Variants in RGS6 observed in about 807,000 individuals in gnomAD.
RGS6 encodes the protein regulator of G protein signaling 6, also known as regulator of G-protein signaling 6.
A neutral mutation model predicts 78.5 loss-of-function variants in RGS6; 30 were observed. That is an observed-to-expected ratio of 0.38 (90% confidence interval 0.29 to 0.52). The LOEUF (loss-of-function observed/expected upper bound fraction) is 0.52, where lower values mean the gene tolerates loss of function less well. RGS6 is among the 20% of genes least tolerant of loss of function. The pLI is 0.85. For missense variants in RGS6, 495 were observed against 609.7 expected, an observed-to-expected ratio of 0.81 and a Z score of 1.98; for synonymous variants, 206 against 206.0, an observed-to-expected ratio of 1.00 and a Z score of 0.00.
At chr14:72,265,213 T>G (rs771398782) in intron 2 of RGS6, among the ~76,000 whole-genome samples, 2 of 152,062 alleles carry the variant, frequency 1.3e-5, no homozygotes, top group Non-Finnish European at 2.9e-5. Flanking sequence ...GTTAAATTAG[T>G]GGGGTGTGGT....
At chr14:71,936,008 C>T (rs374342781) in intron 1 of RGS6, among the ~76,000 whole-genome samples, 2 of 15,006 alleles carry the variant, frequency 1.3e-4, no homozygotes, top group Non-Finnish European at 3.8e-4. Context: ...AGGGACAGAA[C>T]TAATAGGATA....
At chr14:72,413,132 T>C (rs2093553358) in intron 3 of RGS6, among the ~76,000 whole-genome samples, 1 of 152,190 alleles carries the variant, frequency 6.6e-6, no homozygotes, top group Non-Finnish European at 1.5e-5. Flanking sequence ...TTGTTAACTT[T>C]CTGTCTCGTT....
At chr14:72,455,607 TTTC>T (rs1275849983) in intron 4 of RGS6, among the ~76,000 whole-genome samples, 1 of 132,520 alleles carries the variant, frequency 7.5e-6, no homozygotes, top group African/African-American at 3.5e-5. Context: ...GCCCGAGTCT[TTTC>T]ACCCCCTTGA....
At chr14:72,424,562 A>G (rs552330975) in intron 3 of RGS6, among the ~76,000 whole-genome samples, 99 of 152,316 alleles carry the variant, frequency 6.5e-4, no homozygotes, top group African/African-American at 2.3e-3. Context: ...GGGTTGTAAA[A>G]AAAGATTCCC....
At chr14:72,474,294 C>G (rs2096174706) in intron 9 of RGS6, among the ~76,000 whole-genome samples, 1 of 152,078 alleles carries the variant, frequency 6.6e-6, no homozygotes, top group Non-Finnish European at 1.5e-5. Context: ...GCTACTCATC[C>G]TGATATCGTG....
chr14:72,531,262 G>A (rs1450714334), intron 15 of RGS6, among the ~76,000 whole-genome samples: 5 of 151,908 alleles, frequency 3.3e-5, no homozygotes, highest in African/African-American at 9.7e-5. Context: ...GGGAAACCCC[G>A]TATCCACTAA....
intron 2 of RGS6, among the ~76,000 whole-genome samples, chr14:72,281,339 G>A (rs1167862133): frequency 1.3e-5 from 2 of 151,760 alleles, no homozygotes; most frequent in Non-Finnish European, 1.5e-5. Context: ...AGTAGAGCTG[G>A]GGTTTCTCCA....
At chr14:71,948,297 A>G (rs569469813) in intron 1 of RGS6, among the ~76,000 whole-genome samples, 10 of 152,292 alleles carry the variant, frequency 6.6e-5, no homozygotes, top group African/African-American at 2.4e-5. Flanking sequence ...CATGTCTACG[A>G]TGGTTCGATC....
the RGS6 span, among the ~76,000 whole-genome samples, chr14:72,597,042 C>A: frequency 6.6e-5 from 10 of 152,110 alleles, no homozygotes; most frequent in Admixed American, 4.6e-4. Context: ...AGTTCGAGAC[C>A]AGCCTGGCCA....
At chr14:72,044,230 C>T (rs550504362) in intron 2 of RGS6, among the ~76,000 whole-genome samples, 5 of 152,268 alleles carry the variant, frequency 3.3e-5, no homozygotes, top group African/African-American at 1.2e-4. Context: ...CATCAGTGTT[C>T]TTAACATACT....
At chr14:71,934,716 TA>T (rs2088703501) in intron 1 of RGS6, among the ~76,000 whole-genome samples, 1 of 152,240 alleles carries the variant, frequency 6.6e-6, no homozygotes, top group South Asian at 2.1e-4. Context: ...AAATTTAGGT[TA>T]CTGTGGACAA....
At chr14:72,330,515 C>A (rs1053148718) in intron 2 of RGS6, among the ~76,000 whole-genome samples, 2 of 152,180 alleles carry the variant, frequency 1.3e-5, no homozygotes, top group African/African-American at 4.8e-5. Flanking sequence ...GAATACCCAC[C>A]TTCCTTGTGC....
rs555585607 is a variant in RGS6 at position 72,420,000 on chromosome 14, G to C, written c.185-34528G>C. Among the ~76,000 whole-genome samples the C allele has an allele frequency of 3.3e-5, 5 of 152,342 alleles. No individual in the cohort carries two copies. The South Asian group carries it at 1.0e-3, about 32-fold the overall frequency. On this transcript the variant is annotated intron_variant, in intron 3 of 17. Transcript: ENST00000553525. ...CAGGAAGGCTGTCGCCATGTGGGCC[G>C]AACATGGGGAGGGAGGTGTTTGTCA...
At chr14:72,276,554 C>G (rs2060702588) in intron 2 of RGS6, among the ~76,000 whole-genome samples, 1 of 152,246 alleles carries the variant, frequency 6.6e-6, no homozygotes, top group East Asian at 1.9e-4. Context: ...TTGTAGCTCC[C>G]ATAATTCCCA....
intron 2 of RGS6, among the ~76,000 whole-genome samples, chr14:72,051,972 T>G (rs1162550911): frequency 1.3e-5 from 2 of 152,192 alleles, no homozygotes; most frequent in African/African-American, 4.8e-5. Context: ...GATGGTTTGC[T>G]TTCTCTGAGG....
intron 2 of RGS6, among the ~76,000 whole-genome samples, chr14:71,993,393 C>T (rs929256161): frequency 6.6e-6 from 1 of 152,050 alleles, no homozygotes; most frequent in African/African-American, 2.4e-5. Flanking sequence ...GGATGGTAGA[C>T]CCATACTTTT....
chr14:72,448,992 A>G (rs776363272), intron 3 of RGS6, among the ~76,000 whole-genome samples: 5 of 152,224 alleles, frequency 3.3e-5, no homozygotes, highest in Non-Finnish European at 5.9e-5. Flanking sequence ...GGCCTGGTAC[A>G]CCATGGGCAC....
the RGS6 span, among the ~76,000 whole-genome samples, chr14:71,871,014 C>G: frequency 2.6e-5 from 4 of 152,174 alleles, no homozygotes; most frequent in Non-Finnish European, 5.9e-5. Flanking sequence ...AAATGAAATC[C>G]TCTGTTTGAC....
chr14:72,465,658 A>ATGGG (rs1336398784), intron 6 of RGS6, 100 bp from the exon 7 acceptor site: 2 of 761,502 alleles, frequency 2.6e-6, no homozygotes, highest in South Asian at 1.6e-5. Context: ...GGATGGATGG[A>ATGGG]TGGGTGAATG....
Sources: gnomAD v4.1 joint callset for allele counts (sites outside exome capture counted in the v4.1 genomes callset) on GRCh38, gnomAD v4.1.1 for gene constraint, MANE v1.5 for transcripts, NCBI Gene and HGNC (gene_info 2026-07-23, HGNC 2026-07-21) for gene names.